PKD2: variants seen among roughly 807,000 people sequenced by gnomAD.
PKD2 encodes polycystin 2, transient receptor potential cation channel.
Under a neutral mutation model 105.9 loss-of-function variants are expected in PKD2, and 48 were observed. The observed-to-expected ratio is 0.45, with a 90% CI of 0.36 to 0.58. PKD2 has a LOEUF of 0.58. Among genes scored for constraint, PKD2 ranks in the 20% least tolerant of loss-of-function variants. PKD2 has a pLI of 0.00. For missense variants in PKD2, 1,078 were observed against 1,255.3 expected, an observed-to-expected ratio of 0.86 and a Z score of 2.13; for synonymous variants, 464 against 481.1, an observed-to-expected ratio of 0.96 and a Z score of 0.46.
chr4:88,027,944 T>C (rs1448339446), intron 2 of PKD2, among the ~76,000 whole-genome samples: 1 of 152,212 alleles, frequency 6.6e-6, no homozygotes, highest in Non-Finnish European at 1.5e-5. Context: ...TTCAGAACTG[T>C]GAGTCAATTA....
rs1163422250 is a variant in PKD2, at chr4:88,074,795, C to T, written c.2523-17C>T. 1.3e-5 allele frequency: 21 copies of T among 1,613,758 alleles called. No individual in the cohort carries two copies. Among genetic ancestry groups the T allele is most frequent in the Non-Finnish European group, 1.8e-5 (21 of 1,179,702 alleles). On this transcript the variant is annotated splice_polypyrimidine_tract_variant and intron_variant, in intron 13 of 14. Coordinates refer to ENST00000237596, the MANE Select transcript of PKD2 (RefSeq NM_000297.4). ...ATGACAAGCACTTTGTCCCTCTGTA[C>T]TGTGTTTTCCTTGCAGCCTGGTGAG...
chr4:88,045,596 AAAG>A (rs1358082225), intron 5 of PKD2, among the ~76,000 whole-genome samples: 1 of 152,210 alleles, frequency 6.6e-6, no homozygotes, highest in Non-Finnish European at 1.5e-5. Flanking sequence ...TCTAGTTAGA[AAAG>A]AAGTCTGTAT....
At chr4:88,060,463 A>G (rs1720529941) in intron 9 of PKD2, among the ~76,000 whole-genome samples, 1 of 134,272 alleles carries the variant, frequency 7.4e-6, no homozygotes, top group African/African-American at 3.2e-5. Flanking sequence ...TATATCATAT[A>G]TACTGTATAA....
chr4:88,016,310 G>T (rs1489217165), intron 1 of PKD2, among the ~76,000 whole-genome samples: 1 of 152,194 alleles, frequency 6.6e-6, no homozygotes, highest in Non-Finnish European at 1.5e-5. Context: ...TATACTCTCA[G>T]TCCGTGTTCT....
At chr4:88,029,960 T>C (rs1175573044) in intron 2 of PKD2, among the ~76,000 whole-genome samples, 2 of 152,116 alleles carry the variant, frequency 1.3e-5, no homozygotes, top group Non-Finnish European at 2.9e-5. Context: ...TGGTGGGCCT[T>C]GGTGAGGGAT....
rs1578111407 is a variant in PKD2 at position 88,008,040 on chromosome 4, G to A, written c.307G>A (p.Val103Met). The A allele has an allele frequency of 6.6e-7, 1 of 1,521,750 alleles. No homozygotes were observed. Among genetic ancestry groups the A allele is most frequent in the Non-Finnish European group, 8.8e-7 (1 of 1,139,588 alleles). 94.3% of individuals were successfully genotyped at this position (1,521,750 alleles called of 1,614,324 possible). Residue 103 changes from valine (V) to methionine (M), a missense_variant, in exon 1 of 15, where the codon GTG becomes ATG. By Grantham distance (21) the Val-to-Met change is conservative. Coordinates refer to ENST00000237596, the MANE Select transcript of PKD2 (RefSeq NM_000297.4). ...GFEAEEEEEE[V>M]EGEEGGMVVE... ...CGAGGCCGAGGAGGAGGAGGAGGAGGTGGAAGGGGAAGAAGGCGGAATGGT... is the reference window on the plus strand; with the variant it reads ...CGAGGCCGAGGAGGAGGAGGAGGAGATGGAAGGGGAAGAAGGCGGAATGGT...
chr4:88,068,982 T>G (rs1212600823), intron 13 of PKD2, among the ~76,000 whole-genome samples: 2 of 152,190 alleles, frequency 1.3e-5, no homozygotes, highest in Non-Finnish European at 2.9e-5. Flanking sequence ...CCCTATTTTC[T>G]CTCTCAACTT....
intron 1 of PKD2, among the ~76,000 whole-genome samples, chr4:88,011,769 G>A (rs562732189): frequency 6.6e-5 from 10 of 152,104 alleles, no homozygotes; most frequent in African/African-American, 2.2e-4. Context: ...CCAACTCACC[G>A]CTCTTAGTTG....
At chr4:88,056,559 G>A (rs1279732368) in intron 8 of PKD2, among the ~76,000 whole-genome samples, 1 of 152,168 alleles carries the variant, frequency 6.6e-6, no homozygotes, top group Non-Finnish European at 1.5e-5. Flanking sequence ...AATGCAGATG[G>A]TAGCTTCTAG....
intron 6 of PKD2, among the ~76,000 whole-genome samples, 170 bp from the exon 7 acceptor site, chr4:88,051,821 G>A (rs554558249): frequency 6.6e-6 from 1 of 152,310 alleles, no homozygotes; most frequent in African/African-American, 2.4e-5. Flanking sequence ...TTTTATGGCA[G>A]GGCTTAACAC....
intron 13 of PKD2, among the ~76,000 whole-genome samples, chr4:88,072,017 C>G (rs1478051852): frequency 1.6e-5 from 2 of 126,926 alleles, no homozygotes; most frequent in Non-Finnish European, 3.2e-5. Context: ...GAGTCTCACT[C>G]TGTTGCCCAG....
chr4:88,029,667 A>G (rs1191708538), intron 2 of PKD2, among the ~76,000 whole-genome samples: 1 of 152,218 alleles, frequency 6.6e-6, no homozygotes, highest in Non-Finnish European at 1.5e-5. Flanking sequence ...TAAGTTGGTC[A>G]GTAATTTAAT....
chr4:88,065,336 C>G, intron 10 of PKD2, 38 bp from the exon 11 acceptor site: 2 of 1,593,926 alleles, frequency 1.3e-6, no homozygotes, highest in South Asian at 2.2e-5. Flanking sequence ...AAGGAGAATA[C>G]ACTAAACCAA....
chr4:88,070,712 A>C (rs1404339239), intron 13 of PKD2, among the ~76,000 whole-genome samples: 1 of 151,326 alleles, frequency 6.6e-6, no homozygotes, highest in Non-Finnish European at 1.5e-5. Context: ...GGCTCTCTAC[A>C]GCCTGAACAC....
At chr4:88,014,911 G>C (rs1726509072) in intron 1 of PKD2, among the ~76,000 whole-genome samples, 1 of 152,114 alleles carries the variant, frequency 6.6e-6, no homozygotes, top group East Asian at 1.9e-4. Flanking sequence ...CCACAAAAAG[G>C]TACTCTTACT....
chr4:88,035,779 A>G (rs1727309394), intron 2 of PKD2, among the ~76,000 whole-genome samples: 2 of 152,314 alleles, frequency 1.3e-5, no homozygotes, highest in Admixed American at 1.3e-4. Context: ...TGGCTTGCCC[A>G]TGTTATTGCA....
At chr4:88,060,114 C>CT in intron 9 of PKD2, among the ~76,000 whole-genome samples, 1 of 152,132 alleles carries the variant, frequency 6.6e-6, no homozygotes, top group Non-Finnish European at 1.5e-5. Flanking sequence ...TTTTTGAAAT[C>CT]TCTTTAGAGG....
At chr4:88,044,981 G>C (rs911407287) in intron 5 of PKD2, among the ~76,000 whole-genome samples, 3 of 152,168 alleles carry the variant, frequency 2.0e-5, no homozygotes, top group Non-Finnish European at 2.9e-5. Context: ...GTATTATTGA[G>C]TTTTTCCTAA....
chr4:88,068,143 C>T, intron 13 of PKD2, 82 bp downstream of exon 13: 6 of 1,105,476 alleles, frequency 5.4e-6, no homozygotes, highest in Non-Finnish European at 7.0e-6. Flanking sequence ...TCTGAATTCA[C>T]TCCTTTCCAT....
Sources: gnomAD v4.1 joint callset for allele counts (sites outside exome capture counted in the v4.1 genomes callset) on GRCh38, gnomAD v4.1.1 for gene constraint, MANE v1.5 for transcripts, NCBI Gene and HGNC (gene_info 2026-07-23, HGNC 2026-07-21) for gene names.